The following ARL10 variants were observed in gnomAD, a reference collection of about 807,000 sequenced individuals.
The protein encoded by ARL10 is ADP-ribosylation factor-like protein 10.
Under a neutral mutation model 26.1 loss-of-function variants are expected in ARL10, and 23 were observed. The ratio of observed to expected loss-of-function variants is 0.88; its 90% CI spans 0.63 to 1.25. The LOEUF (loss-of-function observed/expected upper bound fraction) is 1.25. ARL10 is among the 50% of genes most tolerant of loss of function. The pLI, the probability that ARL10 is intolerant of heterozygous loss-of-function variation, is 0.00. For missense variants in ARL10, 300 were observed against 323.6 expected (o/e 0.93, Z 0.56); for synonymous variants, 138 against 149.1 (o/e 0.93, Z 0.54).
chr5:176,388,682 C>A, downstream of ARL10: 1 of 1,343,768 alleles, frequency 7.4e-7, no homozygotes, highest in Non-Finnish European at 1.0e-6. Flanking sequence ...CCGTGCTGAG[C>A]ACTACGACTC....
At chr5:176,393,494 G>A (rs1011225457), downstream of ARL10, among the ~76,000 whole-genome samples, 1 of 152,206 alleles carries the variant, frequency 6.6e-6, no homozygotes, top group Non-Finnish European at 1.5e-5. The surrounding 1 kb of genome is among the most constrained non-coding windows in gnomAD (Gnocchi z 4.4). Flanking sequence ...GGAAAACCCA[G>A]CTAAAGAGGA....
chr5:176,406,769 G>T, downstream of ARL10: 1 of 1,208,850 alleles, frequency 8.3e-7, no homozygotes, highest in Middle Eastern at 3.4e-4. Context: ...GAAAGTGTTG[G>T]GTGTGCACAG....
At chr5:176,401,878 A>G (rs1431369504), downstream of ARL10, 1 of 418,554 alleles carries the variant, frequency 2.4e-6, no homozygotes, top group Non-Finnish European at 4.8e-6. Flanking sequence ...AATCTCTAAA[A>G]CTCTCCCTCC....
In ARL10 at chr5:176,396,475, G is replaced by T; in HGVS notation, c.134-5266G>T. 8 of 1,613,038 alleles carry T rather than the reference G, an allele frequency of 5.0e-6. No homozygotes were observed. The African/African-American group carries it at 5.3e-5, about 11-fold the overall frequency. On this transcript the variant is annotated intron_variant, in intron 1 of 1. Coordinates refer to the ARL10 transcript ENST00000514533. Reference sequence around the variant, plus strand: ...CCCAACAGAGAAGCAAAACAGACACGTACACGTAGCCGATGATATCAGCAT... The same window carrying T: ...CCCAACAGAGAAGCAAAACAGACACTTACACGTAGCCGATGATATCAGCAT...
intron 1 of ARL10, chr5:176,388,155 G>A: frequency 1.9e-6 from 2 of 1,068,824 alleles, no homozygotes; most frequent in Non-Finnish European, 2.8e-6. Flanking sequence ...GGAATGGGCA[G>A]TACCACGTTC....
downstream of ARL10, among the ~76,000 whole-genome samples, chr5:176,405,408 A>T (rs1369426580): frequency 6.6e-6 from 1 of 151,340 alleles, no homozygotes; most frequent in African/African-American, 2.4e-5. Flanking sequence ...AGGATCACTT[A>T]AGCCCAAGAC....
At chr5:176,413,840 AG>A in the ARL10 span, among the ~76,000 whole-genome samples, 1 of 152,214 alleles carries the variant, frequency 6.6e-6, no homozygotes, top group Non-Finnish European at 1.5e-5. Flanking sequence ...TAAGGAGGGC[AG>A]CTGAGCCTTT....
At chr5:176,409,753 A>G in the ARL10 span, among the ~76,000 whole-genome samples, 1 of 152,094 alleles carries the variant, frequency 6.6e-6, no homozygotes, top group Non-Finnish European at 1.5e-5. Flanking sequence ...TTTCTAATCT[A>G]TCTATTCAGT....
At chr5:176,385,413 T>C (rs1581406176), downstream of ARL10, 93 of 788,608 alleles carry the variant, frequency 1.2e-4, no homozygotes, top group Middle Eastern at 6.2e-4. Flanking sequence ...CTTCACCCAC[T>C]CCCAAGCCAC....
At chr5:176,401,336 G>T (rs1422195221) in intron 1 of ARL10, among the ~76,000 whole-genome samples, 1 of 152,206 alleles carries the variant, frequency 6.6e-6, no homozygotes, top group Admixed American at 6.5e-5. Flanking sequence ...AGAGGTCAGA[G>T]AAGTTGGAAA....
downstream of ARL10, chr5:176,392,636 C>T (rs1581418634): frequency 4.0e-6 from 4 of 1,009,608 alleles, no homozygotes; most frequent in South Asian, 1.5e-5. This position sits in a 1 kb window ranked among gnomAD's most constrained non-coding sequence, Gnocchi z 5.2. Flanking sequence ...GAGGGCCCCC[C>T]TCCCAGCGCC....
At chr5:176,408,581 T>C in the ARL10 span, among the ~76,000 whole-genome samples, 1 of 150,688 alleles carries the variant, frequency 6.6e-6, no homozygotes, top group Non-Finnish European at 1.5e-5. Context: ...AGTGTAGTAG[T>C]GTAATCATAG....
chr5:176,389,429 G>A (rs1288852038), downstream of ARL10: 4 of 1,613,998 alleles, frequency 2.5e-6, no homozygotes, highest in African/African-American at 2.7e-5. Flanking sequence ...CCGGATCGCC[G>A]CCCAGGGTTT....
chr5:176,399,072 G>A lies in ARL10; in HGVS notation c.134-2669G>A, dbSNP rs565763112. ...TTGGTCAGGCTGATCTCGAACTCCC[G>A]ACCTCAGGTGATCCACCGGCCTCGG... is the stretch of plus-strand genomic sequence containing the variant. On this transcript the variant is annotated intron_variant, in intron 1 of 1. Transcript: ENST00000514533. 1.0e-3 allele frequency among the ~76,000 whole-genome samples: 153 copies of A among 152,088 alleles called. 1 individual carries two copies. Among genetic ancestry groups the A allele is most frequent in the East Asian group, 5.8e-4 (3 of 5,152 alleles).
chr5:176,408,806 C>T, the ARL10 span, among the ~76,000 whole-genome samples: 297 of 152,312 alleles, frequency 1.9e-3, no homozygotes, highest in Non-Finnish European at 3.7e-3. Flanking sequence ...AGGCGTAAGC[C>T]GCCGTGCCCG....
downstream of ARL10, chr5:176,386,717 C>T (rs1271481408): frequency 2.4e-6 from 2 of 848,680 alleles, no homozygotes; most frequent in South Asian, 2.7e-5. Context: ...GAACTTTGAA[C>T]CAGCTCACTT....
intron 1 of ARL10, among the ~76,000 whole-genome samples, chr5:176,387,643 GA>G (rs918804161): frequency 6.6e-5 from 10 of 152,272 alleles, no homozygotes; most frequent in Admixed American, 6.5e-4. Context: ...TTTCTTTTGG[GA>G]ACCTGGATTC....
At chr5:176,397,933 G>C in intron 1 of ARL10, 4 of 1,613,436 alleles carry the variant, frequency 2.5e-6, no homozygotes, top group Non-Finnish European at 3.4e-6. Context: ...CCCTCACCCA[G>C]CTCTTGCAGC....
chr5:176,400,783 A>C (rs1200259899), intron 1 of ARL10, among the ~76,000 whole-genome samples: 1 of 152,094 alleles, frequency 6.6e-6, no homozygotes, highest in Non-Finnish European at 1.5e-5. Context: ...AGTGTCTGGC[A>C]CACTCTCTGT....
Sources: gnomAD v4.1 joint callset for allele counts (sites outside exome capture counted in the v4.1 genomes callset) on GRCh38, gnomAD v4.1.1 for gene constraint, Gnocchi (gnomAD v3.1) non-coding constraint, MANE v1.5 for transcripts, NCBI Gene and HGNC (gene_info 2026-07-23, HGNC 2026-07-21) for gene names.